RTL10: variants seen among roughly 807,000 people sequenced by gnomAD.
RTL10 encodes protein Bop.
For synonymous variants in RTL10, 199 were observed against 188.4 expected (o/e 1.06, Z -0.46); for missense variants, 477 against 470.7 (o/e 1.01, Z -0.12).
rs1601355741 is a variant in RTL10, at chr22:19,849,201, A to G, written c.*1966T>C. 5.1e-6 allele frequency: 5 copies of G among 985,434 alleles called. No homozygotes were observed. Among genetic ancestry groups the G allele is most frequent in the Non-Finnish European group, 6.0e-6 (5 of 829,924 alleles). The allele number at this position is 985,434 out of a possible 1,614,324, so 61.0% of individuals were successfully genotyped here. On this transcript the variant is annotated 3_prime_UTR_variant, in exon 3 of 3. Coordinates refer to ENST00000328554, the MANE Select transcript of RTL10 (RefSeq NM_024627.6). ...CCAGGGCTATACCTGCTTTCTAAAA[A>G]TAGCTTCCCACCTATTTCCAAGGTT...
chr22:19,850,702 G>C lies in RTL10; in HGVS notation c.*465C>G. On this transcript the variant is annotated 3_prime_UTR_variant, in exon 3 of 3. Coordinates refer to ENST00000328554, the MANE Select transcript of RTL10 (RefSeq NM_024627.6). ...GGACAGAAGTCACAGGGAGCAGAGA[G>C]GGTGGGGCTAGGGGGACAGACACAG... is the stretch of plus-strand genomic sequence containing the variant. 8.1e-7 allele frequency: 1 copy of C among 1,234,384 alleles called. No homozygotes were observed. Among genetic ancestry groups the C allele is most frequent in the Non-Finnish European group, 1.0e-6 (1 of 990,338 alleles). The allele number at this position is 1,234,384 out of a possible 1,614,324, so 76.5% of individuals were successfully genotyped here.
In RTL10 at chr22:19,853,302, G is replaced by T. The variant is rs537287551; in HGVS notation, c.-225-816C>A. Among the ~76,000 whole-genome samples the T allele has an allele frequency of 2.0e-5, 3 of 152,208 alleles. No individual in the cohort carries two copies. The South Asian group carries it at 6.2e-4, about 32-fold the overall frequency. ...TCCAGTCACTTGTGCCCAGGGTCTG[G>T]GGAGTCCCAGTCTGATGGCTGGACC... On this transcript the variant is annotated intron_variant, in intron 2 of 2. Transcript: ENST00000328554.
At position 19,849,369 on chromosome 22, in the gene RTL10, GTTGT is replaced by G. The variant is rs1341112668; in HGVS notation, c.*1794_*1797del. 1.3e-5 allele frequency: 11 copies of G among 864,356 alleles called. No homozygotes were observed. Among genetic ancestry groups the G allele is most frequent in the Non-Finnish European group, 5.5e-6 (4 of 724,710 alleles). 53.5% of individuals were successfully genotyped at this position (864,356 alleles called of 1,614,324 possible). On this transcript the variant is annotated 3_prime_UTR_variant, in exon 3 of 3. Transcript: ENST00000328554. ...TTTCTAAATAAGGTTTTTGTTTTTTGTTGTTTTTTTTTTTTTGGGATGGAGTTTC... is the reference window on the plus strand; with the variant it reads ...TTTCTAAATAAGGTTTTTGTTTTTTGTTTTTTTTTTTTGGGATGGAGTTTC...
In RTL10 at chr22:19,847,355, C is replaced by A. The variant is rs1347251753; in HGVS notation, c.*3812G>T. ...CAGGGTAACAGCTTTATTTGCCTTG[C>A]TCCTTTATTGCTGGATCTTTGGGCT... On this transcript the variant is annotated 3_prime_UTR_variant, in exon 3 of 3. Transcript: ENST00000328554. The A allele has an allele frequency of 1.2e-5, 12 of 985,348 alleles. No individual in the cohort carries two copies. Among genetic ancestry groups the A allele is most frequent in the Non-Finnish European group, 1.4e-5 (12 of 829,962 alleles). 61.0% of individuals were successfully genotyped at this position (985,348 alleles called of 1,614,324 possible). A position where few individuals can be genotyped will look rare whatever the true frequency, so the allele number is the denominator to read the frequency against.
chr22:19,847,380 T>C lies in RTL10; in HGVS notation c.*3787A>G. ...CTCCTTTATTGCTGGATCTTTGGGC[T>C]TTTCCAGTTCTGCTGTTCAAAAAAC... is the stretch of plus-strand genomic sequence containing the variant. On this transcript the variant is annotated 3_prime_UTR_variant, in exon 3 of 3. Coordinates refer to ENST00000328554, the MANE Select transcript of RTL10 (RefSeq NM_024627.6). 1.0e-6 allele frequency: 1 copy of C among 985,408 alleles called. No homozygotes were observed. Among genetic ancestry groups the C allele is most frequent in the South Asian group, 4.7e-5 (1 of 21,290 alleles). The allele number at this position is 985,408 out of a possible 1,614,324, so 61.0% of individuals were successfully genotyped here.
At position 19,847,192 on chromosome 22, in the gene RTL10, C is replaced by T. The variant is rs930317015; in HGVS notation, c.*3975G>A. 18 of 985,294 alleles carry T rather than the reference C, an allele frequency of 1.8e-5. No homozygotes were observed. The highest frequency in any genetic ancestry group is 9.4e-5 in the South Asian group (2 of 21,296). The allele number at this position is 985,294 out of a possible 1,614,324, so 61.0% of individuals were successfully genotyped here. On this transcript the variant is annotated 3_prime_UTR_variant, in exon 3 of 3. Transcript: ENST00000328554. ...GGAGAAATATGTCCAGGTAGGCTGTCGTCAGCACAGGTCTGACAGGCCCCA... is the reference window on the plus strand; with the variant it reads ...GGAGAAATATGTCCAGGTAGGCTGTTGTCAGCACAGGTCTGACAGGCCCCA...
At position 19,847,688 on chromosome 22, in the gene RTL10, T is replaced by C; in HGVS notation, c.*3479A>G. The C allele has an allele frequency of 1.0e-6, 1 of 984,860 alleles. No homozygotes were observed. Among genetic ancestry groups the C allele is most frequent in the Non-Finnish European group, 1.2e-6 (1 of 829,810 alleles). The allele number at this position is 984,860 out of a possible 1,614,324, so 61.0% of individuals were successfully genotyped here. On this transcript the variant is annotated 3_prime_UTR_variant, in exon 3 of 3. Transcript: ENST00000328554. ...GTCACAGCATGCATGTGCCTAGAAT[T>C]GTTACGTGGTCAAATTATATTATTG...
Position 19,850,654 on chromosome 22 carries a change from C to A in RTL10, c.*513G>T, listed in dbSNP as rs1484164252. 3 of 1,227,822 alleles carry A rather than the reference C, an allele frequency of 2.4e-6. No homozygotes were observed. The highest frequency in any genetic ancestry group is 3.0e-6 in the Non-Finnish European group (3 of 986,168). 76.1% of individuals were successfully genotyped at this position (1,227,822 alleles called of 1,614,324 possible). A position where few individuals can be genotyped will look rare whatever the true frequency, so the allele number is the denominator to read the frequency against. On this transcript the variant is annotated 3_prime_UTR_variant, in exon 3 of 3. Transcript: ENST00000328554. ...AATCAAAGTGGCCACTTCCTCCAGG[C>A]AGCCTTCCTCACATTCCAGCTGGGA...
chr22:19,850,214 G>C lies in RTL10; in HGVS notation c.*953C>G. ...AATGGGAAACAAAGACTTGCTGGTA[G>C]GCAGCCACTGCACCACCTCAGCCAG... On this transcript the variant is annotated 3_prime_UTR_variant, in exon 3 of 3. Transcript: ENST00000328554. The C allele has an allele frequency of 4.1e-6, 4 of 985,742 alleles. No homozygotes were observed. Among genetic ancestry groups the C allele is most frequent in the Non-Finnish European group, 4.8e-6 (4 of 830,180 alleles). 61.1% of individuals were successfully genotyped at this position (985,742 alleles called of 1,614,324 possible).
At position 19,848,223 on chromosome 22, in the gene RTL10, G is replaced by A; in HGVS notation, c.*2944C>T. On this transcript the variant is annotated 3_prime_UTR_variant, in exon 3 of 3. Coordinates refer to ENST00000328554, the MANE Select transcript of RTL10 (RefSeq NM_024627.6). ...TATCTTCAGGAAATAAAATCTCTGG[G>A]TATTTCCAAGGGAAGTGAAGGACTG... is the stretch of plus-strand genomic sequence containing the variant. 1.0e-6 allele frequency: 1 copy of A among 985,248 alleles called. No individual in the cohort carries two copies. The highest frequency in any genetic ancestry group is 1.2e-6 in the Non-Finnish European group (1 of 829,774). The allele number at this position is 985,248 out of a possible 1,614,324, so 61.0% of individuals were successfully genotyped here.
Position 19,846,492 on chromosome 22 carries a change from G to A in RTL10, c.*4675C>T. The A allele has an allele frequency of 7.1e-6, 7 of 985,402 alleles. No homozygotes were observed. Among genetic ancestry groups the A allele is most frequent in the Non-Finnish European group, 8.4e-6 (7 of 829,882 alleles). 61.0% of individuals were successfully genotyped at this position (985,402 alleles called of 1,614,324 possible). On this transcript the variant is annotated 3_prime_UTR_variant, in exon 3 of 3. Coordinates refer to ENST00000328554, the MANE Select transcript of RTL10 (RefSeq NM_024627.6). ...CCTGGGGGACTCTGCACACAGGCATGTGGAGACCACAGAAGCCTGCCCAAT... is the reference window on the plus strand; with the variant it reads ...CCTGGGGGACTCTGCACACAGGCATATGGAGACCACAGAAGCCTGCCCAAT...
chr22:19,849,297 C>G lies in RTL10; in HGVS notation c.*1870G>C. On this transcript the variant is annotated 3_prime_UTR_variant, in exon 3 of 3. Transcript: ENST00000328554. ...CACATAAAACCATCTGAACCCAGAG[C>G]CTTTTCTAGTGATAGTTACCATAAA... 2.0e-6 allele frequency: 2 copies of G among 981,644 alleles called. No individual in the cohort carries two copies. The highest frequency in any genetic ancestry group is 1.2e-6 in the Non-Finnish European group (1 of 826,600). 60.8% of individuals were successfully genotyped at this position (981,644 alleles called of 1,614,324 possible).
chr22:19,853,671 C>A (rs1347400932), intron 2 of RTL10, among the ~76,000 whole-genome samples: 8 of 152,122 alleles, frequency 5.3e-5, no homozygotes, highest in Admixed American at 5.2e-4. Context: ...ACTGGCCCTA[C>A]CTCCACCACC....
Position 19,854,706 on chromosome 22 carries a change from G to A in RTL10, c.-369C>T, listed in dbSNP as rs1456067732. 1.3e-5 allele frequency: 2 copies of A among 152,510 alleles called. No homozygotes were observed. The highest frequency in any genetic ancestry group is 2.9e-5 in the Non-Finnish European group (2 of 68,246). 9.4% of individuals were successfully genotyped at this position (152,510 alleles called of 1,614,324 possible). On this transcript the variant is annotated 5_prime_UTR_variant, in exon 1 of 3. Transcript: ENST00000328554. The stretch of plus-strand genomic sequence containing the variant: ...CCGAAGGCACTGCGACCCAGGCTGG[G>A]GCTCCGAGTGCCCCTCTGCGGATCA...
intron 1 of RTL10, 23 bp downstream of exon 1, chr22:19,854,635 GCC>G (rs1207558817): frequency 6.5e-6 from 1 of 152,980 alleles, no homozygotes; most frequent in Non-Finnish European, 1.5e-5. Flanking sequence ...GTCTCCAGGT[GCC>G]CCCACAAACC....
rs187087220 is a variant in RTL10 at position 19,851,107 on chromosome 22, G to A, written c.*60C>T. 1.9e-5 allele frequency: 28 copies of A among 1,507,530 alleles called. No individual in the cohort carries two copies. Among genetic ancestry groups the A allele is most frequent in the Middle Eastern group, 1.8e-4 (1 of 5,594 alleles). The allele number at this position is 1,507,530 out of a possible 1,614,324, so 93.4% of individuals were successfully genotyped here. ...CTGCTCTGACTGGGGACTATGGGGCGCTCAAGCCACACAGGCCACTTCATC... is the reference window on the plus strand; with the variant it reads ...CTGCTCTGACTGGGGACTATGGGGCACTCAAGCCACACAGGCCACTTCATC... On this transcript the variant is annotated 3_prime_UTR_variant, in exon 3 of 3. Transcript: ENST00000328554.
At chr22:19,853,396 C>T (rs929127376) in intron 2 of RTL10, among the ~76,000 whole-genome samples, 5 of 152,140 alleles carry the variant, frequency 3.3e-5, no homozygotes, top group African/African-American at 1.2e-4. Flanking sequence ...TATTCCAGTG[C>T]AAGGAGCCCT....
chr22:19,851,785 A>T lies in RTL10; in HGVS notation c.477T>A (p.Asp159Glu). Residue 159 changes from aspartate (D) to glutamate (E), a missense_variant, in exon 3 of 3, where the codon GAT (aspartate) becomes GAA (glutamate). Coordinates refer to ENST00000328554, the MANE Select transcript of RTL10 (RefSeq NM_024627.6). ...RAQAWAAPYL[D>E]GDLPLPDDYE... ...AATCGTCAGGCAGGGGCAGGTCCCC[A>T]TCAAGGTAGGGGGCTGCCCAGGCCT... 6.2e-7 allele frequency: 1 copy of T among 1,613,666 alleles called. No individual in the cohort carries two copies.
chr22:19,849,737 T>G lies in RTL10; in HGVS notation c.*1430A>C. 1.0e-6 allele frequency: 1 copy of G among 985,434 alleles called. No homozygotes were observed. Among genetic ancestry groups the G allele is most frequent in the African/African-American group, 1.7e-5 (1 of 57,364 alleles). The allele number at this position is 985,434 out of a possible 1,614,324, so 61.0% of individuals were successfully genotyped here. A position where few individuals can be genotyped will look rare whatever the true frequency, so the allele number is the denominator to read the frequency against. ...TAAAATAGTTGGCTGTATTTCCAAT[T>G]CACATTTCTGCTTTTTCTTCCTACT... On this transcript the variant is annotated 3_prime_UTR_variant, in exon 3 of 3. Coordinates refer to ENST00000328554, the MANE Select transcript of RTL10 (RefSeq NM_024627.6).
Sources: gnomAD v4.1 joint callset for allele counts (sites outside exome capture counted in the v4.1 genomes callset) on GRCh38, gnomAD v4.1.1 for gene constraint, MANE v1.5 for transcripts, NCBI Gene and HGNC (gene_info 2026-07-23, HGNC 2026-07-21) for gene names.